PPP1R16B: variants seen among roughly 807,000 people sequenced by gnomAD.
The protein encoded by PPP1R16B is protein phosphatase 1 regulatory inhibitor subunit 16B.
PPP1R16B carries 14 observed loss-of-function variants against 61.7 expected under a neutral mutation model. The observed-to-expected ratio is 0.23, with a 90% confidence interval of 0.15 to 0.35. PPP1R16B has a LOEUF of 0.35. Ranked by LOEUF, PPP1R16B falls within the 10% of genes least tolerant of loss-of-function variation. The pLI is 1.00. For missense variants in PPP1R16B, 547 were observed against 752.5 expected, an observed-to-expected ratio of 0.73 and a Z score of 3.19; for synonymous variants, 266 against 305.3, an observed-to-expected ratio of 0.87 and a Z score of 1.34.
chr20:38,888,201 T>A (rs780214566), intron 2 of PPP1R16B, among the ~76,000 whole-genome samples: 3 of 152,210 alleles, frequency 2.0e-5, no homozygotes, highest in Non-Finnish European at 2.9e-5. Flanking sequence ...GACTTTGGCT[T>A]CTGTTTCACA....
intron 1 of PPP1R16B, among the ~76,000 whole-genome samples, chr20:38,810,328 C>A (rs745898295): frequency 1.3e-5 from 2 of 152,212 alleles, no homozygotes; most frequent in East Asian, 3.9e-4. Flanking sequence ...GCTATCCTGC[C>A]GGGAGCCCCG....
rs189122030 is a variant in PPP1R16B, at chr20:38,893,090, G to A, written c.322-2475G>A. Among the ~76,000 whole-genome samples, 14 of 152,232 alleles carry A rather than the reference G, an allele frequency of 9.2e-5. No homozygotes were observed. In the East Asian group the frequency reaches 1.2e-3, roughly 13 times the overall value. ...CATCTATAAAAGGGGCCATTTCCCC[G>A]TCTGTAAAAAGAGCAATCCTCATAG... is the stretch of plus-strand genomic sequence containing the variant. On this transcript the variant is annotated intron_variant, in intron 3 of 10. Coordinates refer to ENST00000299824, the MANE Select transcript of PPP1R16B (RefSeq NM_015568.4).
chr20:38,837,884 A>G (rs2084883093), intron 2 of PPP1R16B, among the ~76,000 whole-genome samples: 1 of 152,112 alleles, frequency 6.6e-6, no homozygotes. Flanking sequence ...TGTACTTGCC[A>G]TGTTTAATTT....
chr20:38,903,736 G>A lies in PPP1R16B; in HGVS notation c.696+944G>A, dbSNP rs116352643. Among the ~76,000 whole-genome samples, 1,205 of 152,210 alleles carry A rather than the reference G, an allele frequency of 7.9e-3. 16 individuals are homozygous for A. Among genetic ancestry groups the A allele is most frequent in the African/African-American group, 0.026 (1,095 of 41,526 alleles). ...TGGGACCTTCTTCTCTCTCAAATCC[G>A]CCTGGTTAACTCCACTCATCCTTGC... On this transcript the variant is annotated intron_variant, in intron 6 of 10. Transcript: ENST00000299824.
chr20:38,846,973 G>A (rs1368205237), intron 2 of PPP1R16B, among the ~76,000 whole-genome samples: 3 of 152,096 alleles, frequency 2.0e-5, no homozygotes, highest in Non-Finnish European at 4.4e-5. Flanking sequence ...CTGCACTCCA[G>A]CCCAGGTAAC....
chr20:38,850,493 C>G (rs1240658328), intron 2 of PPP1R16B, among the ~76,000 whole-genome samples: 2 of 152,170 alleles, frequency 1.3e-5, no homozygotes, highest in African/African-American at 4.8e-5. Context: ...TAAGGATTTG[C>G]CTTCTAGACC....
In PPP1R16B at chr20:38,907,160, G is replaced by A. The variant is rs370193286; in HGVS notation, c.898+106G>A. On this transcript the variant is annotated intron_variant, in intron 8 of 10. Coordinates refer to ENST00000299824, the MANE Select transcript of PPP1R16B (RefSeq NM_015568.4). This position sits in a 1 kb window ranked among gnomAD's most constrained non-coding sequence, Gnocchi z 4.5. ...TATGGTTGTATAGATTGATGGATTG[G>A]TGTCTAGATAGATAGATGGATTAAT... The A allele has an allele frequency of 6.7e-6, 6 of 893,754 alleles. No homozygotes were observed. Among genetic ancestry groups the A allele is most frequent in the African/African-American group, 1.6e-5 (1 of 61,320 alleles). 55.4% of individuals were successfully genotyped at this position (893,754 alleles called of 1,614,324 possible).
intron 6 of PPP1R16B, among the ~76,000 whole-genome samples, chr20:38,904,300 G>A (rs1422413091): frequency 2.6e-5 from 4 of 152,214 alleles, no homozygotes; most frequent in Admixed American, 2.6e-4. Context: ...TACCTGGGCT[G>A]GGGCTGGCCT....
At chr20:38,821,525 G>C (rs2084773519) in intron 1 of PPP1R16B, among the ~76,000 whole-genome samples, 1 of 152,294 alleles carries the variant, frequency 6.6e-6, no homozygotes, top group East Asian at 1.9e-4. Context: ...AAGAAGAGCT[G>C]GTCTTTGTGA....
At chr20:38,885,927 C>A (rs1406577934) in intron 2 of PPP1R16B, among the ~76,000 whole-genome samples, 2 of 152,156 alleles carry the variant, frequency 1.3e-5, no homozygotes, top group African/African-American at 2.4e-5. Context: ...AGGCGTGCGC[C>A]ACCACGCCCA....
chr20:38,870,849 G>A (rs1317598214), intron 2 of PPP1R16B, among the ~76,000 whole-genome samples: 1 of 152,140 alleles, frequency 6.6e-6, no homozygotes, highest in Non-Finnish European at 1.5e-5. Context: ...TCAAACTGGA[G>A]GGCTGGAGGG....
chr20:38,916,835 T>G (rs906023176), intron 10 of PPP1R16B, among the ~76,000 whole-genome samples: 2 of 152,130 alleles, frequency 1.3e-5, no homozygotes, highest in Admixed American at 1.3e-4. Context: ...TTAAACGTAT[T>G]TGTCAGTGTG....
At chr20:38,844,113 T>G (rs886564638) in intron 2 of PPP1R16B, among the ~76,000 whole-genome samples, 2 of 152,210 alleles carry the variant, frequency 1.3e-5, no homozygotes, top group Admixed American at 1.3e-4. Flanking sequence ...TTTACCCATG[T>G]GTACTTTTTT....
rs2084865510 is a variant in PPP1R16B, at chr20:38,835,832, C to T, written c.-94C>T. The T allele has an allele frequency of 1.4e-6, 2 of 1,379,676 alleles. No individual in the cohort carries two copies. The highest frequency in any genetic ancestry group is 1.9e-6 in the Non-Finnish European group (2 of 1,046,654). 85.5% of individuals were successfully genotyped at this position (1,379,676 alleles called of 1,614,324 possible). On this transcript the variant is annotated 5_prime_UTR_variant, in exon 2 of 11. Coordinates refer to ENST00000299824, the MANE Select transcript of PPP1R16B (RefSeq NM_015568.4). ...TCTCCCTCCCTGCCACAGGCCACACCATGAGGCCCCAGCCCCACCAGAGGC... is the reference window on the plus strand; with the variant it reads ...TCTCCCTCCCTGCCACAGGCCACACTATGAGGCCCCAGCCCCACCAGAGGC...
chr20:38,880,555 GCTA>G (rs2085197272), intron 2 of PPP1R16B, among the ~76,000 whole-genome samples: 1 of 152,202 alleles, frequency 6.6e-6, no homozygotes, highest in Non-Finnish European at 1.5e-5. Flanking sequence ...TGTACTCCCA[GCTA>G]CTTAGGAGGC....
At chr20:38,883,848 C>A (rs2085221751) in intron 2 of PPP1R16B, among the ~76,000 whole-genome samples, 1 of 152,132 alleles carries the variant, frequency 6.6e-6, no homozygotes, top group Non-Finnish European at 1.5e-5. Context: ...TTCCTTAACC[C>A]CACAGCAATG....
chr20:38,862,611 G>A (rs569607988), intron 2 of PPP1R16B, among the ~76,000 whole-genome samples: 18 of 152,320 alleles, frequency 1.2e-4, no homozygotes, highest in African/African-American at 3.4e-4. Flanking sequence ...AATTCCTGAC[G>A]TAATGGATGG....
chr20:38,882,408 T>A (rs2145753542), intron 2 of PPP1R16B, among the ~76,000 whole-genome samples: 1 of 152,182 alleles, frequency 6.6e-6, no homozygotes, highest in African/African-American at 2.4e-5. Flanking sequence ...AGAGACAGCA[T>A]CCTGCTCTGT....
intron 6 of PPP1R16B, among the ~76,000 whole-genome samples, chr20:38,904,550 T>C (rs1486451882): frequency 6.6e-6 from 1 of 152,226 alleles, no homozygotes; most frequent in Non-Finnish European, 1.5e-5. Flanking sequence ...AGGTTTGTAA[T>C]GTCGGACTGG....
Sources: allele counts gnomAD v4.1 joint callset (sites outside exome capture counted in the v4.1 genomes callset), GRCh38; gene constraint gnomAD v4.1.1; non-coding constraint Gnocchi (gnomAD v3.1); transcripts MANE v1.5; gene names NCBI Gene and HGNC (gene_info 2026-07-23, HGNC 2026-07-21).